ZFPM2: variants seen among roughly 807,000 people sequenced by gnomAD.
ZFPM2 encodes zinc finger protein, FOG family member 2, also known as zinc finger protein ZFPM2.
Under a neutral mutation model 98.6 loss-of-function variants are expected in ZFPM2, and 20 were observed. The ratio of observed to expected loss-of-function variants is 0.20; its 90% confidence interval spans 0.14 to 0.29. The LOEUF (loss-of-function observed/expected upper bound fraction) is 0.29. Ranked by LOEUF, ZFPM2 falls within the 10% of genes least tolerant of loss-of-function variation. The probability of loss-of-function intolerance (pLI) is 1.00; values close to 1 mark genes in which losing one functional copy is unlikely to be tolerated. For missense variants in ZFPM2, 1,310 were observed against 1,388.6 expected (o/e 0.94, Z 0.90); for synonymous variants, 518 against 502.7 (o/e 1.03, Z -0.41).
chr8:105,589,911 CAG>C (rs935043036), intron 4 of ZFPM2, among the ~76,000 whole-genome samples: 1 of 152,028 alleles, frequency 6.6e-6, no homozygotes, highest in Non-Finnish European at 1.5e-5. Context: ...TTAGTAGAGA[CAG>C]GGTTTTGCCA....
At chr8:105,595,880 A>G (rs544111082) in intron 4 of ZFPM2, among the ~76,000 whole-genome samples, 5 of 152,132 alleles carry the variant, frequency 3.3e-5, no homozygotes, top group African/African-American at 1.2e-4. Flanking sequence ...TTAAATTTCA[A>G]AATAGAATAA....
intron 5 of ZFPM2, among the ~76,000 whole-genome samples, chr8:105,683,115 T>A (rs1188762745): frequency 1.3e-5 from 2 of 152,032 alleles, no homozygotes; most frequent in Non-Finnish European, 2.9e-5. Context: ...GAGGGCTCTG[T>A]CCTCATGAGT....
intron 5 of ZFPM2, among the ~76,000 whole-genome samples, chr8:105,682,578 G>T (rs35977801): frequency 0.16 from 23,848 of 152,040 alleles, 2,096 homozygotes; most frequent in African/African-American, 0.25. Flanking sequence ...TATACATCTT[G>T]GTAGATTGTT....
intron 3 of ZFPM2, among the ~76,000 whole-genome samples, chr8:105,501,755 G>A (rs1813600405): frequency 6.6e-6 from 1 of 152,122 alleles, no homozygotes; most frequent in African/African-American, 2.4e-5. Context: ...AAAGTGCTGG[G>A]ATTACAGGTG....
intron 3 of ZFPM2, among the ~76,000 whole-genome samples, chr8:105,510,321 A>G (rs1287917334): frequency 1.3e-5 from 2 of 152,080 alleles, no homozygotes; most frequent in Non-Finnish European, 2.9e-5. Context: ...AGCAAGAACA[A>G]CTTTATTTCT....
chr8:105,403,986 G>T (rs1477365023), intron 1 of ZFPM2, among the ~76,000 whole-genome samples: 1 of 139,362 alleles, frequency 7.2e-6, no homozygotes, highest in Non-Finnish European at 1.5e-5. Context: ...ATGGTTATTG[G>T]TGTTAAAACA....
At chr8:105,622,451 G>A (rs1816571359) in intron 4 of ZFPM2, among the ~76,000 whole-genome samples, 1 of 152,050 alleles carries the variant, frequency 6.6e-6, no homozygotes, top group Admixed American at 6.6e-5. Flanking sequence ...TAAAATTTCA[G>A]GTTTACAATG....
intron 5 of ZFPM2, among the ~76,000 whole-genome samples, chr8:105,635,715 G>T (rs986701393): frequency 6.6e-6 from 1 of 152,168 alleles, no homozygotes; most frequent in Non-Finnish European, 1.5e-5. Context: ...AGGACCACTT[G>T]TTGGGGACAA....
intron 3 of ZFPM2, among the ~76,000 whole-genome samples, chr8:105,517,614 C>T (rs995848839): frequency 1.3e-5 from 2 of 151,536 alleles, no homozygotes; most frequent in African/African-American, 2.4e-5. Flanking sequence ...CTTTGGGAGA[C>T]CACGGTAGGA....
chr8:105,593,395 GAAA>G, intron 4 of ZFPM2, among the ~76,000 whole-genome samples: 1 of 150,248 alleles, frequency 6.7e-6, no homozygotes, highest in Non-Finnish European at 1.5e-5. Context: ...ATAGAATTCT[GAAA>G]AAAAAATTAT....
At position 105,677,454 on chromosome 8, in the gene ZFPM2, A is replaced by G. The variant is rs377627589; in HGVS notation, c.532+43097A>G. On this transcript the variant is annotated intron_variant, in intron 5 of 7. Coordinates refer to ENST00000407775, the MANE Select transcript of ZFPM2 (RefSeq NM_012082.4). ...TCTTAAATCCAAAACTATTCTGCTT[A>G]TCGAATCATCACAAAACAATGATAT... Among the ~76,000 whole-genome samples the G allele has an allele frequency of 3.0e-4, 45 of 152,308 alleles. 1 individual carries two copies. The South Asian group carries it at 9.1e-3, about 31-fold the overall frequency.
rs554371178 is a variant in ZFPM2, at chr8:105,321,399, A to G, written c.40+2418A>G. ...TAAGTTTGGAGAATCTCAGAAAGCT[A>G]TGCTCTGTGAAACAATAGCATTTCA... On this transcript the variant is annotated intron_variant, in intron 1 of 7. Transcript: ENST00000407775. Among the ~76,000 whole-genome samples the G allele has an allele frequency of 1.3e-3, 204 of 152,346 alleles. 3 individuals are homozygous for G. The highest frequency in any genetic ancestry group is 0.01 in the Middle Eastern group (3 of 294).
intron 4 of ZFPM2, among the ~76,000 whole-genome samples, chr8:105,595,638 C>T (rs1277883621): frequency 2.6e-5 from 4 of 152,052 alleles, no homozygotes; most frequent in African/African-American, 4.8e-5. Context: ...GGGTGAAACA[C>T]GGCTAGTAGT....
intron 1 of ZFPM2, among the ~76,000 whole-genome samples, chr8:105,404,714 C>CAAAAGTTTGTG (rs963038628): frequency 1.3e-5 from 2 of 152,008 alleles, no homozygotes; most frequent in Admixed American, 1.3e-4. Context: ...TATTGCCTTT[C>CAAAAGTTTGTG]AAAAGTTTGT....
chr8:105,324,219 TAATCTGGGGATA>T (rs1466668686), intron 1 of ZFPM2, among the ~76,000 whole-genome samples: 1 of 151,820 alleles, frequency 6.6e-6, no homozygotes, highest in African/African-American at 2.4e-5. Flanking sequence ...TGTTTGGGGG[TAATCTGGGGATA>T]AATTAAGATA....
intron 4 of ZFPM2, among the ~76,000 whole-genome samples, chr8:105,573,612 G>A (rs1815402813): frequency 6.6e-6 from 1 of 152,154 alleles, no homozygotes; most frequent in Admixed American, 6.5e-5. Context: ...TCTCACATCT[G>A]TGATCAGTGG....
At chr8:105,543,304 G>T (rs536936781) in intron 3 of ZFPM2, among the ~76,000 whole-genome samples, 1 of 152,086 alleles carries the variant, frequency 6.6e-6, no homozygotes, top group African/African-American at 2.4e-5. Flanking sequence ...TGGGCAACAC[G>T]GTGAAACTCC....
intron 3 of ZFPM2, among the ~76,000 whole-genome samples, chr8:105,557,980 C>G (rs1815038158): frequency 2.0e-5 from 3 of 152,034 alleles, no homozygotes; most frequent in Non-Finnish European, 2.9e-5. Flanking sequence ...TGAGTGCAAA[C>G]CACTCTTTTA....
At chr8:105,444,036 C>T (rs373223512) in intron 2 of ZFPM2, among the ~76,000 whole-genome samples, 1 of 152,098 alleles carries the variant, frequency 6.6e-6, no homozygotes, top group East Asian at 1.9e-4. Flanking sequence ...GGAAAATTTA[C>T]ATGGAAATGT....
Sources: allele counts gnomAD v4.1 joint callset (sites outside exome capture counted in the v4.1 genomes callset), GRCh38; gene constraint gnomAD v4.1.1; transcripts MANE v1.5; gene names NCBI Gene and HGNC (gene_info 2026-07-23, HGNC 2026-07-21).